Variants in USP28 observed in about 807,000 individuals in gnomAD.
USP28 encodes the protein ubiquitin specific peptidase 28, also known as ubiquitin carboxyl-terminal hydrolase 28.
In USP28, 113 loss-of-function variants were observed where a neutral mutation model predicts 145.0. That is an observed-to-expected ratio of 0.78 (90% confidence interval 0.67 to 0.91). The LOEUF is 0.91. USP28 is among the 40% of genes least tolerant of loss of function. The pLI is 0.00. For missense variants in USP28, 1,201 were observed against 1,289.6 expected, an observed-to-expected ratio of 0.93 and a Z score of 1.05; for synonymous variants, 447 against 450.9, an observed-to-expected ratio of 0.99 and a Z score of 0.11.
chr11:113,807,393 TTA>T (rs990474503), intron 18 of USP28, among the ~76,000 whole-genome samples: 5 of 151,952 alleles, frequency 3.3e-5, no homozygotes, highest in Non-Finnish European at 7.4e-5. Flanking sequence ...ATTTTTTTTT[TTA>T]AATACCCCAC....
intron 5 of USP28, among the ~76,000 whole-genome samples, chr11:113,834,758 T>C (rs1944380999): frequency 6.6e-6 from 1 of 152,098 alleles, no homozygotes; most frequent in Non-Finnish European, 1.5e-5. Context: ...ATTTATACAA[T>C]AGACTATTAA....
chr11:113,808,260 C>A (rs1351483308), intron 18 of USP28, 38 bp downstream of exon 18: 2 of 1,595,326 alleles, frequency 1.3e-6, no homozygotes, highest in Non-Finnish European at 1.7e-6. Flanking sequence ...TGCTGAAAGC[C>A]CGGCTCTCCT....
In USP28 at chr11:113,813,389, C is replaced by A. The variant is rs112564729; in HGVS notation, c.1743+496G>T. On this transcript the variant is annotated intron_variant, in intron 15 of 24. Transcript: ENST00000003302. Reference sequence around the variant, plus strand: ...AGAGACACTCCTGGAGGCTCTTTACCCCTCCATTCCCAGAATTTATTCTAA... The same window carrying A: ...AGAGACACTCCTGGAGGCTCTTTACACCTCCATTCCCAGAATTTATTCTAA... 8.0e-3 allele frequency among the ~76,000 whole-genome samples: 1,217 copies of A among 152,276 alleles called. 19 individuals carry two copies. The highest frequency in any genetic ancestry group is 0.028 in the African/African-American group (1,174 of 41,564).
At chr11:113,819,382 G>C (rs1942258591) in intron 12 of USP28, among the ~76,000 whole-genome samples, 1 of 151,910 alleles carries the variant, frequency 6.6e-6, no homozygotes, top group Non-Finnish European at 1.5e-5. Flanking sequence ...CAAAGTGCTG[G>C]GATTACAGGT....
At chr11:113,860,298 A>G (rs1005336085) in intron 1 of USP28, among the ~76,000 whole-genome samples, 2 of 152,194 alleles carry the variant, frequency 1.3e-5, no homozygotes, top group Non-Finnish European at 2.9e-5. Flanking sequence ...TCTTACAAAG[A>G]CATTTCTAAA....
chr11:113,856,553 A>G (rs943373865), intron 1 of USP28, among the ~76,000 whole-genome samples: 3 of 152,206 alleles, frequency 2.0e-5, no homozygotes, highest in East Asian at 1.9e-4. Flanking sequence ...CCTGTCCTAC[A>G]AAAAGCTGAG....
At chr11:113,853,563 C>G (rs1261136488) in intron 2 of USP28, among the ~76,000 whole-genome samples, 1 of 152,052 alleles carries the variant, frequency 6.6e-6, no homozygotes, top group Non-Finnish European at 1.5e-5. Context: ...GTCAACATTT[C>G]AGAACATATC....
chr11:113,799,281 T>A, exon 25 of USP28: 1 of 1,614,018 alleles, frequency 6.2e-7, no homozygotes, highest in South Asian at 1.1e-5. Context: ...ATTGACTCCA[T>A]GACAGCTGCA....
intron 1 of USP28, among the ~76,000 whole-genome samples, chr11:113,870,358 C>T (rs539534474): frequency 2.0e-5 from 3 of 152,160 alleles, no homozygotes; most frequent in African/African-American, 7.2e-5. Context: ...AAGACCTCGT[C>T]TCTATAAAAA....
chr11:113,831,009 A>C (rs1943918501), intron 8 of USP28, 66 bp from the exon 9 acceptor site: 1 of 1,572,316 alleles, frequency 6.4e-7, no homozygotes, highest in Non-Finnish European at 8.7e-7. Flanking sequence ...ATAAAATCCA[A>C]GCATCATTCA....
At chr11:113,858,760 C>A (rs931569502) in intron 1 of USP28, among the ~76,000 whole-genome samples, 2 of 152,172 alleles carry the variant, frequency 1.3e-5, no homozygotes, top group African/African-American at 2.4e-5. Context: ...TAGGCACCCA[C>A]CACCACGCCT....
intron 14 of USP28, among the ~76,000 whole-genome samples, chr11:113,814,774 C>T (rs895414528): frequency 1.8e-4 from 28 of 151,902 alleles, no homozygotes; most frequent in African/African-American, 4.4e-4. Flanking sequence ...ATGGGCCAGA[C>T]GTAGTGGCTC....
intron 11 of USP28, among the ~76,000 whole-genome samples, chr11:113,826,979 A>C (rs995273832): frequency 1.3e-5 from 2 of 150,350 alleles, no homozygotes; most frequent in Non-Finnish European, 3.0e-5. Context: ...CCCCACCCCC[A>C]GAATTCAGGT....
In USP28 at chr11:113,865,906, G is replaced by A. The variant is rs376802345; in HGVS notation, c.57+9539C>T. Among the ~76,000 whole-genome samples the A allele has an allele frequency of 4.6e-5, 7 of 152,316 alleles. 3 individuals are homozygous for A. The highest frequency in any genetic ancestry group is 6.5e-5 in the Admixed American group (1 of 15,292). On this transcript the variant is annotated intron_variant, in intron 1 of 24. Transcript: ENST00000003302. ...ACTTGGGACACTGAAGTGGGCTGAT[G>A]TACTTTTCTGCATCAAAGGGCATTA...
chr11:113,818,805 G>A (rs1356573653), intron 12 of USP28, among the ~76,000 whole-genome samples: 1 of 151,688 alleles, frequency 6.6e-6, no homozygotes, highest in African/African-American at 2.4e-5. Flanking sequence ...AGACTACAGT[G>A]AGCCAAGATC....
At chr11:113,829,993 T>C (rs1365315399) in intron 9 of USP28, among the ~76,000 whole-genome samples, 1 of 152,056 alleles carries the variant, frequency 6.6e-6, no homozygotes, top group African/African-American at 2.4e-5. Context: ...GAGAAGAACA[T>C]GGGGATATGT....
intron 3 of USP28, among the ~76,000 whole-genome samples, chr11:113,842,848 G>C (rs775791555): frequency 1.3e-5 from 2 of 150,798 alleles, no homozygotes; most frequent in African/African-American, 4.8e-5. Context: ...ACGGAGAAAC[G>C]TTAAGTATAT....
At chr11:113,853,203 G>A (rs1159100544) in intron 2 of USP28, among the ~76,000 whole-genome samples, 4 of 148,466 alleles carry the variant, frequency 2.7e-5, no homozygotes, top group Non-Finnish European at 3.0e-5. Context: ...TGGGAGGATC[G>A]CTTGAGCCCA....
chr11:113,849,498 G>A (rs1440381742), intron 3 of USP28, among the ~76,000 whole-genome samples: 5 of 151,086 alleles, frequency 3.3e-5, no homozygotes, highest in Non-Finnish European at 7.4e-5. Context: ...ATGGGCAGTG[G>A]CCAGTGGTCA....
Sources: allele counts gnomAD v4.1 joint callset (sites outside exome capture counted in the v4.1 genomes callset), GRCh38; gene constraint gnomAD v4.1.1; transcripts MANE v1.5; gene names NCBI Gene and HGNC (gene_info 2026-07-23, HGNC 2026-07-21).